ENTREP2: variants seen among roughly 807,000 people sequenced by gnomAD.
ENTREP2 encodes protein ENTREP2.
At chr15:29,674,417 C>T in the ENTREP2 span, among the ~76,000 whole-genome samples, 1 of 152,028 alleles carries the variant, frequency 6.6e-6, no homozygotes, top group Non-Finnish European at 1.5e-5. Context: ...CTACAGGTGC[C>T]CGCCACCATG....
the ENTREP2 span, among the ~76,000 whole-genome samples, chr15:29,251,116 C>T: frequency 6.6e-6 from 1 of 152,316 alleles, no homozygotes; most frequent in African/African-American, 2.4e-5. Flanking sequence ...CATGGTCCCA[C>T]AGCAGAAAAG....
At chr15:29,308,153 G>A in the ENTREP2 span, among the ~76,000 whole-genome samples, 1 of 152,026 alleles carries the variant, frequency 6.6e-6, no homozygotes, top group East Asian at 1.9e-4. Flanking sequence ...CTCCTAACAG[G>A]AATTCGAACT....
the ENTREP2 span, among the ~76,000 whole-genome samples, chr15:29,672,872 C>T: frequency 3.9e-5 from 6 of 152,148 alleles, no homozygotes; most frequent in Admixed American, 6.5e-5. Context: ...TTGGATCTCA[C>T]GCAAGAAAGA....
At chr15:29,402,544 A>C in the ENTREP2 span, among the ~76,000 whole-genome samples, 1 of 152,134 alleles carries the variant, frequency 6.6e-6, no homozygotes, top group Non-Finnish European at 1.5e-5. Flanking sequence ...CTCCTGGCTC[A>C]AGTGATCCCC....
At chr15:29,224,993 A>G in the ENTREP2 span, among the ~76,000 whole-genome samples, 63,589 of 152,040 alleles carry the variant, frequency 0.42, 13,562 homozygotes, top group East Asian at 0.58. Context: ...ACTGGCCCAC[A>G]TGCTAAGCCC....
chr15:29,134,559 C>T, the ENTREP2 span, among the ~76,000 whole-genome samples: 208 of 152,292 alleles, frequency 1.4e-3, 1 homozygote, highest in African/African-American at 3.6e-3. Flanking sequence ...TCCCCAGGTG[C>T]GGGGCACCTT....
chr15:29,540,352 C>G, the ENTREP2 span, among the ~76,000 whole-genome samples: 1 of 152,076 alleles, frequency 6.6e-6, no homozygotes, highest in Non-Finnish European at 1.5e-5. Flanking sequence ...TTTTTTCTAT[C>G]CAACTGTATG....
chr15:29,357,467 G>A, the ENTREP2 span, among the ~76,000 whole-genome samples: 1 of 151,874 alleles, frequency 6.6e-6, no homozygotes. Context: ...TTATAAATTA[G>A]TAAGAAAAAG....
At chr15:29,301,011 T>C in the ENTREP2 span, among the ~76,000 whole-genome samples, 1 of 152,246 alleles carries the variant, frequency 6.6e-6, no homozygotes, top group East Asian at 1.9e-4. Context: ...AAAACACTAT[T>C]CATAATGGAA....
chr15:29,292,621 T>C, the ENTREP2 span, among the ~76,000 whole-genome samples: 1 of 152,228 alleles, frequency 6.6e-6, no homozygotes, highest in Non-Finnish European at 1.5e-5. Flanking sequence ...CCTCAGGTGA[T>C]CTGCCCTGCT....
the ENTREP2 span, among the ~76,000 whole-genome samples, chr15:29,131,037 C>G: frequency 4.6e-5 from 7 of 152,054 alleles, no homozygotes; most frequent in Non-Finnish European, 1.0e-4. Flanking sequence ...GAACAGTCAT[C>G]GTAACTGGAA....
chr15:29,320,588 T>A, the ENTREP2 span, among the ~76,000 whole-genome samples: 1 of 152,128 alleles, frequency 6.6e-6, no homozygotes, highest in Non-Finnish European at 1.5e-5. Flanking sequence ...AATGGGGTAT[T>A]TAAAACCACT....
At chr15:29,468,426 C>A in the ENTREP2 span, among the ~76,000 whole-genome samples, 49 of 152,158 alleles carry the variant, frequency 3.2e-4, no homozygotes, top group East Asian at 7.4e-3. Flanking sequence ...GCCTGGCGAA[C>A]ATAGTGAAAC....
At chr15:29,218,061 G>A in the ENTREP2 span, among the ~76,000 whole-genome samples, 666 of 152,254 alleles carry the variant, frequency 4.4e-3, 2 homozygotes, top group African/African-American at 0.015. Context: ...GCTCCAGGCT[G>A]GTACTCAGGG....
the ENTREP2 span, among the ~76,000 whole-genome samples, chr15:29,176,610 G>A: frequency 3.3e-5 from 5 of 152,306 alleles, no homozygotes; most frequent in Admixed American, 2.6e-4. Context: ...TGCAGGGCAG[G>A]AGCCACGGGC....
the ENTREP2 span, among the ~76,000 whole-genome samples, chr15:29,273,650 T>C: frequency 0.28 from 42,128 of 152,070 alleles, 10,919 homozygotes; most frequent in African/African-American, 0.69. Context: ...CAGACCCACG[T>C]TCAATCTGGG....
the ENTREP2 span, among the ~76,000 whole-genome samples, chr15:29,394,231 T>C: frequency 6.6e-6 from 1 of 152,182 alleles, no homozygotes; most frequent in Non-Finnish European, 1.5e-5. Context: ...TAAATTAATT[T>C]AGTGAAATCT....
the ENTREP2 span, among the ~76,000 whole-genome samples, chr15:29,290,634 G>C: frequency 2.0e-5 from 3 of 152,206 alleles, no homozygotes; most frequent in African/African-American, 7.2e-5. Context: ...AAGGCGCTCA[G>C]TACAATTCTG....
the ENTREP2 span, among the ~76,000 whole-genome samples, chr15:29,674,189 G>GT: frequency 6.9e-6 from 1 of 145,038 alleles, no homozygotes; most frequent in Non-Finnish European, 1.5e-5. Flanking sequence ...CAGGAAGCCT[G>GT]TATCAACTCC....
Sources: gnomAD v4.1 joint callset for allele counts (sites outside exome capture counted in the v4.1 genomes callset) on GRCh38, gnomAD v4.1.1 for gene constraint, MANE v1.5 for transcripts, NCBI Gene and HGNC (gene_info 2026-07-23, HGNC 2026-07-21) for gene names.